FILIP1L: variants seen among roughly 807,000 people sequenced by gnomAD.
FILIP1L encodes the protein filamin A interacting protein 1 like, also known as filamin A-interacting protein 1-like.
In FILIP1L, 55 loss-of-function variants were observed where a neutral mutation model predicts 96.6. That is an observed-to-expected ratio of 0.57 (90% CI 0.46 to 0.71). The LOEUF is 0.71. Ranked by LOEUF, FILIP1L falls within the 30% of genes least tolerant of loss-of-function variation. The pLI, the probability that FILIP1L is intolerant of heterozygous loss-of-function variation, is 0.00. For synonymous variants in FILIP1L, 467 were observed against 473.9 expected (o/e 0.99, Z 0.19); for missense variants, 1,304 against 1,321.2 (o/e 0.99, Z 0.20).
intron 4 of FILIP1L, among the ~76,000 whole-genome samples, chr3:99,885,462 T>C (rs1363454939): frequency 2.0e-5 from 3 of 152,256 alleles, no homozygotes; most frequent in Non-Finnish European, 2.9e-5. Context: ...TTACATTTTA[T>C]TGTCGTGCCC....
chr3:99,935,847 TGGTAAG>T (rs1488655561), intron 1 of FILIP1L, among the ~76,000 whole-genome samples: 1 of 152,222 alleles, frequency 6.6e-6, no homozygotes, highest in Non-Finnish European at 1.5e-5. Flanking sequence ...TGGTGTATCT[TGGTAAG>T]GATGTGTCCA....
intron 1 of FILIP1L, among the ~76,000 whole-genome samples, chr3:100,072,957 A>G (rs1401798548): frequency 1.3e-5 from 2 of 152,224 alleles, no homozygotes; most frequent in African/African-American, 4.8e-5. Context: ...AATAATGATG[A>G]TAGCATATGT....
At chr3:100,031,638 G>A (rs555043386) in intron 1 of FILIP1L, among the ~76,000 whole-genome samples, 2 of 151,722 alleles carry the variant, frequency 1.3e-5, no homozygotes, top group African/African-American at 2.4e-5. Context: ...TTTAACTAAC[G>A]CATTCTCTCC....
chr3:99,963,136 G>T (rs1344942474), intron 1 of FILIP1L, among the ~76,000 whole-genome samples: 1 of 152,196 alleles, frequency 6.6e-6, no homozygotes, highest in Admixed American at 6.5e-5. Context: ...GGATAACAGT[G>T]CACCAGAGAA....
chr3:99,900,675 G>A (rs1706406548), intron 4 of FILIP1L, among the ~76,000 whole-genome samples: 1 of 152,180 alleles, frequency 6.6e-6, no homozygotes, highest in Non-Finnish European at 1.5e-5. Flanking sequence ...TGATCATTGT[G>A]TAATCTTCCC....
At position 100,017,630 on chromosome 3, in the gene FILIP1L, A is replaced by G. The variant is rs187799746; in HGVS notation, c.-10-86600T>C. On this transcript the variant is annotated intron_variant, in intron 1 of 5. Coordinates refer to ENST00000477258, the MANE Select transcript of FILIP1L (RefSeq NM_001387850.1). ...TTTGAGAGTCCTTGGATTATCTGAC[A>G]TGTAAAGTTGTGAGCCAGATGTGGT... is the stretch of plus-strand genomic sequence containing the variant. 7.4e-4 allele frequency among the ~76,000 whole-genome samples: 113 copies of G among 152,312 alleles called. 1 individual carries two copies. The highest frequency in any genetic ancestry group is 2.7e-3 in the African/African-American group (112 of 41,566).
chr3:100,013,150 T>G (rs1710212254), intron 1 of FILIP1L, among the ~76,000 whole-genome samples: 1 of 152,132 alleles, frequency 6.6e-6, no homozygotes, highest in Non-Finnish European at 1.5e-5. Flanking sequence ...GTGCTGGGAT[T>G]GTTGGCATGA....
intron 1 of FILIP1L, among the ~76,000 whole-genome samples, chr3:100,025,206 G>A (rs754534141): frequency 4.9e-4 from 75 of 152,220 alleles, no homozygotes; most frequent in Middle Eastern, 3.4e-3. Context: ...CTATAGTAGG[G>A]CTCGTCCTTC....
At chr3:100,052,006 C>A (rs1253100997) in intron 1 of FILIP1L, among the ~76,000 whole-genome samples, 1 of 150,862 alleles carries the variant, frequency 6.6e-6, no homozygotes, top group Non-Finnish European at 1.5e-5. Flanking sequence ...TAAAATATTT[C>A]AAGCAAGAAA....
chr3:100,034,977 G>A (rs547674868), intron 1 of FILIP1L, among the ~76,000 whole-genome samples: 27 of 152,242 alleles, frequency 1.8e-4, no homozygotes, highest in Non-Finnish European at 3.8e-4. Flanking sequence ...GGGATGTCAA[G>A]AAAAAAGCCA....
rs765087340 is a variant in FILIP1L at position 99,924,334 on chromosome 3, G to A, written c.501C>T (p.Ser167=). ...CCAACTCCAATATGGTTTGCCTACG[G>A]GATTTTTCTGCCACTAAAAGCTGTC... The part of the protein sequence containing the change: ...ILGQLLVAEK[S]RRQTILELEE... Residue 167 remains serine, a synonymous_variant, in exon 4 of 6, where the codon TCC becomes TCT. Transcript: ENST00000477258. 1.1e-5 allele frequency: 17 copies of A among 1,613,848 alleles called. No individual in the cohort carries two copies. The Admixed American group carries it at 2.0e-4, about 19-fold the overall frequency.
At chr3:99,934,048 A>T (rs1361894058) in intron 1 of FILIP1L, among the ~76,000 whole-genome samples, 2 of 152,216 alleles carry the variant, frequency 1.3e-5, no homozygotes, top group African/African-American at 4.8e-5. Flanking sequence ...GGAGAGCCTC[A>T]GCCGGGTCAT....
chr3:99,988,340 C>A (rs13065743), intron 1 of FILIP1L, among the ~76,000 whole-genome samples: 118,347 of 124,198 alleles, frequency 0.95, 56,367 homozygotes, highest in Non-Finnish European at 0.99. Context: ...TACTAAAAAT[C>A]CAAAAAAAAA....
chr3:100,037,087 G>A (rs918298368), intron 1 of FILIP1L, among the ~76,000 whole-genome samples: 1 of 152,004 alleles, frequency 6.6e-6, no homozygotes, highest in Non-Finnish European at 1.5e-5. Context: ...ATCGGGGGAG[G>A]AAATGCAAAC....
At chr3:99,974,534 A>AC (rs561156805) in intron 1 of FILIP1L, among the ~76,000 whole-genome samples, 1,544 of 152,046 alleles carry the variant, frequency 0.01, 16 homozygotes, top group Non-Finnish European at 0.017. Context: ...ACATGGAGAA[A>AC]CCCCGTCTCT....
rs1709716142 is a variant in FILIP1L, at chr3:99,997,455, G to A, written c.-10-66425C>T. Among the ~76,000 whole-genome samples the A allele has an allele frequency of 1.3e-5, 2 of 152,164 alleles. 1 individual carries two copies. The highest frequency in any genetic ancestry group is 4.1e-4 in the South Asian group (2 of 4,828). On this transcript the variant is annotated intron_variant, in intron 1 of 5. Coordinates refer to ENST00000477258, the MANE Select transcript of FILIP1L (RefSeq NM_001387850.1). Reference sequence around the variant, plus strand: ...TTAAGTGACAAATCCAGATTTTGAGGCTAAGTCTTCCAAGTCCATTGTTCT... The same window carrying A: ...TTAAGTGACAAATCCAGATTTTGAGACTAAGTCTTCCAAGTCCATTGTTCT...
chr3:99,863,024 G>T (rs1944336099), intron 4 of FILIP1L, among the ~76,000 whole-genome samples: 2 of 152,164 alleles, frequency 1.3e-5, no homozygotes. Context: ...GCTGGGTTTA[G>T]ATACTCATAG....
chr3:99,887,850 T>C (rs1705958924), intron 4 of FILIP1L, among the ~76,000 whole-genome samples: 1 of 151,964 alleles, frequency 6.6e-6, no homozygotes, highest in Non-Finnish European at 1.5e-5. Context: ...TACTCCCTAC[T>C]CCCACCTCAG....
chr3:99,832,406 A>G (rs1318316854), intron 5 of FILIP1L, among the ~76,000 whole-genome samples: 7 of 150,004 alleles, frequency 4.7e-5, no homozygotes, highest in Admixed American at 4.6e-4. Flanking sequence ...AATTTTTTGT[A>G]TTTTTAGTAG....
Sources: gnomAD v4.1 joint callset for allele counts (sites outside exome capture counted in the v4.1 genomes callset) on GRCh38, gnomAD v4.1.1 for gene constraint, MANE v1.5 for transcripts, NCBI Gene and HGNC (gene_info 2026-07-23, HGNC 2026-07-21) for gene names.